Variants in ZNF423 observed in about 807,000 individuals in gnomAD.
ZNF423 encodes Ebf-associated zinc finger protein.
ZNF423 carries 12 observed loss-of-function variants against 95.8 expected under a neutral mutation model. The ratio of observed to expected loss-of-function variants is 0.13; its 90% CI spans 0.08 to 0.20. The LOEUF (loss-of-function observed/expected upper bound fraction) is 0.20, where lower values mean the gene tolerates loss of function less well. Ranked by LOEUF, ZNF423 falls within the 10% of genes least tolerant of loss-of-function variation. ZNF423 has a pLI of 1.00. For synonymous variants in ZNF423, 749 were observed against 711.9 expected (o/e 1.05, Z -0.83); for missense variants, 1,316 against 1,737.1 (o/e 0.76, Z 4.31).
intron 2 of ZNF423, among the ~76,000 whole-genome samples, chr16:49,759,809 T>C (rs1312608281): frequency 6.6e-6 from 1 of 152,136 alleles, no homozygotes; most frequent in Non-Finnish European, 1.5e-5. Flanking sequence ...CCTTCAGACG[T>C]CACAGGAGGT....
intron 3 of ZNF423, among the ~76,000 whole-genome samples, chr16:49,730,423 CT>C (rs2033134224): frequency 6.6e-6 from 1 of 152,206 alleles, no homozygotes; most frequent in African/African-American, 2.4e-5. Flanking sequence ...ACTTAAGCTG[CT>C]TAACTTTGCA....
rs1443305830 is a variant in ZNF423 at position 49,547,017 on chromosome 16, A to G, written c.3602-21523T>C. 2.8e-4 allele frequency among the ~76,000 whole-genome samples: 42 copies of G among 152,124 alleles called. No homozygotes were observed. In the East Asian group the frequency reaches 6.0e-3, roughly 22 times the overall value. On this transcript the variant is annotated intron_variant, in intron 5 of 7. Transcript: ENST00000563137. Reference sequence around the variant, plus strand: ...CTACTTGATACTCTTTCCAGAAAAAAAAAAAAAAACAATCAGCCAGCTTTC... The same window carrying G: ...CTACTTGATACTCTTTCCAGAAAAAGAAAAAAAAACAATCAGCCAGCTTTC...
In ZNF423 at chr16:49,798,046, T is replaced by TA. The variant is rs2034526412; in HGVS notation, c.41-8501dup. ...GCAACATAGCAAGATACTATCTCCA[T>TA]AAAAAATTTAAAAAGTAACCAGACA... is the stretch of plus-strand genomic sequence containing the variant. On this transcript the variant is annotated intron_variant, in intron 1 of 7. Transcript: ENST00000563137. 3.3e-5 allele frequency among the ~76,000 whole-genome samples: 5 copies of TA among 152,220 alleles called. No individual in the cohort carries two copies. The South Asian group carries it at 1.0e-3, about 32-fold the overall frequency.
At chr16:49,831,718 C>T (rs1448528989) in intron 1 of ZNF423, among the ~76,000 whole-genome samples, 1 of 152,068 alleles carries the variant, frequency 6.6e-6, no homozygotes, top group African/African-American at 2.4e-5. Flanking sequence ...AGTCTGAGCA[C>T]GGTGGCTCAC....
At chr16:49,587,861 C>G (rs1368786056) in intron 5 of ZNF423, among the ~76,000 whole-genome samples, 3 of 152,152 alleles carry the variant, frequency 2.0e-5, no homozygotes, top group African/African-American at 7.2e-5. Flanking sequence ...TTATTCATCA[C>G]TTTAGAGACC....
chr16:49,651,542 C>T (rs1973404629), intron 3 of ZNF423, among the ~76,000 whole-genome samples: 1 of 152,172 alleles, frequency 6.6e-6, no homozygotes, highest in Non-Finnish European at 1.5e-5. Flanking sequence ...AGGGCTTAGA[C>T]TCCCAGCTCC....
At chr16:49,491,789 C>T (rs553091561) in intron 7 of ZNF423, among the ~76,000 whole-genome samples, 25 of 152,296 alleles carry the variant, frequency 1.6e-4, no homozygotes, top group African/African-American at 6.0e-4. Flanking sequence ...ATGTGCTGTG[C>T]AGCTCTCCGG....
At chr16:49,700,481 G>A (rs2032142281) in intron 3 of ZNF423, among the ~76,000 whole-genome samples, 1 of 152,190 alleles carries the variant, frequency 6.6e-6, no homozygotes. Context: ...CCTGACTGGG[G>A]CGGAGGGGCA....
chr16:49,838,511 C>T (rs1165802079), intron 1 of ZNF423, among the ~76,000 whole-genome samples: 1 of 152,234 alleles, frequency 6.6e-6, no homozygotes, highest in African/African-American at 2.4e-5. Context: ...GCGGCTGTCA[C>T]TCGCCTTCCC....
chr16:49,854,544 G>A (rs942041581), intron 1 of ZNF423: 3 of 985,342 alleles, frequency 3.0e-6, no homozygotes, highest in Admixed American at 6.1e-5. Context: ...AGAAGACAAG[G>A]GCCTGGGGGC....
intron 2 of ZNF423, among the ~76,000 whole-genome samples, chr16:49,764,236 C>CA (rs2033885364): frequency 6.6e-6 from 1 of 152,236 alleles, no homozygotes; most frequent in Non-Finnish European, 1.5e-5. Context: ...CTCTCACCAC[C>CA]AGTCCCCTCC....
chr16:49,754,181 G>A lies in ZNF423; in HGVS notation c.101-23210C>T, dbSNP rs190483335. On this transcript the variant is annotated intron_variant, in intron 2 of 7. Transcript: ENST00000563137. ...ACTCCTCCTTGTTGAGCAAGGCAGT[G>A]GCATTGCCCCCACCTAACCTGCCCT... is the stretch of plus-strand genomic sequence containing the variant. Among the ~76,000 whole-genome samples, 177 of 152,260 alleles carry A rather than the reference G, an allele frequency of 1.2e-3. 1 individual carries two copies. The highest frequency in any genetic ancestry group is 4.1e-3 in the African/African-American group (170 of 41,556).
At chr16:49,553,982 C>A (rs1969734512) in intron 5 of ZNF423, among the ~76,000 whole-genome samples, 1 of 152,192 alleles carries the variant, frequency 6.6e-6, no homozygotes, top group African/African-American at 2.4e-5. Context: ...CAACACAGTC[C>A]CGCCTTGGAG....
intron 5 of ZNF423, among the ~76,000 whole-genome samples, chr16:49,604,804 C>A (rs1040121401): frequency 2.0e-5 from 3 of 152,192 alleles, no homozygotes; most frequent in Non-Finnish European, 4.4e-5. Context: ...GCTGCATCCA[C>A]CCCATTCCTG....
intron 3 of ZNF423, among the ~76,000 whole-genome samples, chr16:49,673,153 G>A (rs1427713931): frequency 2.6e-5 from 4 of 152,162 alleles, no homozygotes; most frequent in Non-Finnish European, 4.4e-5. Flanking sequence ...GCTAAACACA[G>A]CCCCAGGCCA....
At chr16:49,567,331 G>T (rs1011945097) in intron 5 of ZNF423, among the ~76,000 whole-genome samples, 3 of 152,156 alleles carry the variant, frequency 2.0e-5, no homozygotes, top group Non-Finnish European at 4.4e-5. Context: ...TCCCTCTCAG[G>T]ACAAAAGGGA....
In ZNF423 at chr16:49,691,517, G is replaced by T. The variant is rs200754060; in HGVS notation, c.301+39254C>A. 3.2e-4 allele frequency among the ~76,000 whole-genome samples: 49 copies of T among 152,338 alleles called. No homozygotes were observed. The East Asian group carries it at 8.7e-3, about 27-fold the overall frequency. On this transcript the variant is annotated intron_variant, in intron 3 of 7. Transcript: ENST00000563137. ...GGAGGCCTAGGCGGGCGGATCACGA[G>T]ATCAGGAGATCGAGAACATCCTGGG...
intron 1 of ZNF423, among the ~76,000 whole-genome samples, chr16:49,840,718 T>G (rs548887343): frequency 6.6e-6 from 1 of 152,064 alleles, no homozygotes; most frequent in South Asian, 2.1e-4. Context: ...TGCATCCACA[T>G]GCACACACTA....
rs966105764 is a variant in ZNF423 at position 49,800,485 on chromosome 16, G to A, written c.41-10939C>T. On this transcript the variant is annotated intron_variant, in intron 1 of 7. Transcript: ENST00000563137. The stretch of plus-strand genomic sequence containing the variant: ...GGGGTTCTTTCTCTAAATTGGCACA[G>A]ATGCAGCTTCAAAAGTCTCAACAGC... 3.3e-5 allele frequency among the ~76,000 whole-genome samples: 5 copies of A among 152,152 alleles called. No homozygotes were observed. In the South Asian group the frequency reaches 1.0e-3, roughly 31 times the overall value.
Sources: gnomAD v4.1 joint callset for allele counts (sites outside exome capture counted in the v4.1 genomes callset) on GRCh38, gnomAD v4.1.1 for gene constraint, MANE v1.5 for transcripts, NCBI Gene and HGNC (gene_info 2026-07-23, HGNC 2026-07-21) for gene names.